The following PALD1 variants were observed in gnomAD, a reference collection of about 807,000 sequenced individuals.
PALD1 encodes the protein paladin.
In PALD1, 57 loss-of-function variants were observed where a neutral mutation model predicts 96.0. The ratio of observed to expected loss-of-function variants is 0.59; its 90% CI spans 0.48 to 0.74. The LOEUF is 0.74. Ranked by LOEUF, PALD1 falls within the 30% of genes least tolerant of loss-of-function variation. The pLI is 0.00. For missense variants in PALD1, 1,063 were observed against 1,143.7 expected, an observed-to-expected ratio of 0.93 and a Z score of 1.02; for synonymous variants, 464 against 473.6, an observed-to-expected ratio of 0.98 and a Z score of 0.26.
rs942702683 is a variant in PALD1, at chr10:70,507,063, T to TA, written c.-29-18853dup. On this transcript the variant is annotated intron_variant, in intron 1 of 19. Coordinates refer to ENST00000263563, the MANE Select transcript of PALD1 (RefSeq NM_014431.3). ...ACAGACACCTGCAAAGTTGATCCTTTAAAAAAATTATCTTTCTATTAAAAA... is the reference window on the plus strand; with the variant it reads ...ACAGACACCTGCAAAGTTGATCCTTTAAAAAAAATTATCTTTCTATTAAAAA... Among the ~76,000 whole-genome samples, 21 of 152,198 alleles carry TA rather than the reference T, an allele frequency of 1.4e-4. No homozygotes were observed. In the South Asian group the frequency reaches 1.9e-3, roughly 14 times the overall value.
In PALD1 at chr10:70,539,899, G is replaced by C; in HGVS notation, c.1908+137G>C. On this transcript the variant is annotated intron_variant, in intron 15 of 19. Transcript: ENST00000263563. This position sits in a 1 kb window ranked among gnomAD's most constrained non-coding sequence, Gnocchi z 4.5. ...CGGGAATGGTCTCACGAGGTTTTCC[G>C]ATTTGGCCCAAGTGGTTTATTCACA... is the stretch of plus-strand genomic sequence containing the variant. The C allele has an allele frequency of 2.9e-6, 2 of 698,010 alleles. No individual in the cohort carries two copies. The highest frequency in any genetic ancestry group is 6.1e-5 in the Admixed American group (2 of 32,644). 43.2% of individuals were successfully genotyped at this position (698,010 alleles called of 1,614,324 possible). A position where few individuals can be genotyped will look rare whatever the true frequency, so the allele number is the denominator to read the frequency against.
intron 18 of PALD1, among the ~76,000 whole-genome samples, chr10:70,552,191 C>T (rs1476833383): frequency 6.6e-6 from 1 of 152,214 alleles, no homozygotes. Context: ...TAAGCAACAG[C>T]TCCGGCTTCT....
chr10:70,550,485 A>G (rs1847459238), intron 18 of PALD1, among the ~76,000 whole-genome samples: 1 of 152,250 alleles, frequency 6.6e-6, no homozygotes, highest in Admixed American at 6.5e-5. Context: ...CACGATGTAT[A>G]CAATTCATGT....
intron 1 of PALD1, among the ~76,000 whole-genome samples, chr10:70,516,673 T>G (rs1846625701): frequency 6.6e-6 from 1 of 151,550 alleles, no homozygotes; most frequent in Non-Finnish European, 1.5e-5. Context: ...CCTGTCTCAG[T>G]CTTCTAAGTT....
intron 1 of PALD1, among the ~76,000 whole-genome samples, chr10:70,510,352 A>G (rs1846487072): frequency 6.6e-6 from 1 of 152,138 alleles, no homozygotes; most frequent in Non-Finnish European, 1.5e-5. Flanking sequence ...AGCAGGGCAG[A>G]GCACTGGGTG....
chr10:70,555,138 C>G (rs532913528), intron 18 of PALD1, among the ~76,000 whole-genome samples: 2 of 147,936 alleles, frequency 1.4e-5, no homozygotes, highest in African/African-American at 2.5e-5. Context: ...CCACTCCCGG[C>G]TAATTTTTGT....
intron 2 of PALD1, 21 bp from the exon 3 acceptor site, chr10:70,529,208 G>GCACCC (rs1564698221): frequency 3.8e-6 from 1 of 260,532 alleles, no homozygotes; most frequent in African/African-American, 4.4e-5. Context: ...TTTCCATTCT[G>GCACCC]CCCCCCCCCC....
intron 18 of PALD1, among the ~76,000 whole-genome samples, chr10:70,562,362 A>T (rs891830503): frequency 1.9e-4 from 29 of 152,262 alleles, no homozygotes; most frequent in African/African-American, 6.7e-4. Context: ...AAGACAGCAA[A>T]GGCCGTGGAG....
intron 3 of PALD1, 44 bp downstream of exon 3, chr10:70,529,375 C>T (rs374470200): frequency 1.1e-6 from 1 of 901,692 alleles, no homozygotes; most frequent in Non-Finnish European, 1.8e-6. Flanking sequence ...CTGCCTCCCA[C>T]CCCTATCTCT....
intron 18 of PALD1, among the ~76,000 whole-genome samples, chr10:70,562,681 G>A (rs529741217): frequency 1.3e-5 from 2 of 152,284 alleles, no homozygotes; most frequent in East Asian, 1.9e-4. Flanking sequence ...CTGTGGGTTT[G>A]GGGGATGGGG....
chr10:70,551,654 C>T (rs1286961725), intron 18 of PALD1, among the ~76,000 whole-genome samples: 1 of 152,164 alleles, frequency 6.6e-6, no homozygotes, highest in Non-Finnish European at 1.5e-5. Context: ...CAGCAGTCAA[C>T]TTATACTTTA....
chr10:70,533,792 C>A, intron 7 of PALD1, 130 bp from the exon 8 acceptor site: 1 of 780,972 alleles, frequency 1.3e-6, no homozygotes, highest in Non-Finnish European at 1.9e-6. Context: ...GAGGCCAAGA[C>A]ACCTATTGGA....
intron 1 of PALD1, among the ~76,000 whole-genome samples, chr10:70,502,886 CTCTTT>C (rs1171370568): frequency 1.3e-5 from 2 of 152,060 alleles, no homozygotes; most frequent in Non-Finnish European, 2.9e-5. Flanking sequence ...TTTCTCTTCT[CTCTTT>C]TCTTTTCTTT....
chr10:70,528,932 C>T (rs1379743302), intron 2 of PALD1, among the ~76,000 whole-genome samples: 3 of 152,132 alleles, frequency 2.0e-5, no homozygotes, highest in Non-Finnish European at 2.9e-5. Context: ...GGAATTTGCA[C>T]GCACATCACT....
intron 1 of PALD1, among the ~76,000 whole-genome samples, chr10:70,501,095 G>A (rs1299707996): frequency 6.6e-6 from 1 of 152,140 alleles, no homozygotes; most frequent in Non-Finnish European, 1.5e-5. Context: ...TGCCACTGAG[G>A]GAGGCTACAT....
chr10:70,467,570 C>T, the PALD1 span, among the ~76,000 whole-genome samples: 18 of 152,156 alleles, frequency 1.2e-4, no homozygotes, highest in African/African-American at 3.4e-4. Flanking sequence ...GTGAGATCCC[C>T]GTCACTGGGA....
At chr10:70,563,747 G>A (rs1847786601) in intron 18 of PALD1, among the ~76,000 whole-genome samples, 1 of 152,202 alleles carries the variant, frequency 6.6e-6, no homozygotes, top group South Asian at 2.1e-4. Flanking sequence ...GCTGGAGGAT[G>A]AACTCACCCA....
intron 10 of PALD1, among the ~76,000 whole-genome samples, chr10:70,537,610 C>T (rs1426627919): frequency 6.6e-6 from 1 of 152,246 alleles, no homozygotes; most frequent in African/African-American, 2.4e-5. Context: ...CCACATATCT[C>T]CCCTGACCGC....
intron 17 of PALD1, among the ~76,000 whole-genome samples, chr10:70,544,428 T>C (rs1242248645): frequency 6.6e-6 from 1 of 151,892 alleles, no homozygotes; most frequent in Non-Finnish European, 1.5e-5. Flanking sequence ...CAGAGGAGGT[T>C]GTGATCAGGC....
Sources: allele counts gnomAD v4.1 joint callset (sites outside exome capture counted in the v4.1 genomes callset), GRCh38; gene constraint gnomAD v4.1.1; non-coding constraint Gnocchi (gnomAD v3.1); transcripts MANE v1.5; gene names NCBI Gene and HGNC (gene_info 2026-07-23, HGNC 2026-07-21).